CENPC: variants seen among roughly 807,000 people sequenced by gnomAD.
The protein encoded by CENPC is centromere protein C.
CENPC carries 63 observed loss-of-function variants against 112.1 expected under a neutral mutation model. That is an observed-to-expected ratio of 0.56 (90% confidence interval 0.46 to 0.69). The LOEUF (loss-of-function observed/expected upper bound fraction) is 0.69. Ranked by LOEUF, CENPC falls within the 30% of genes least tolerant of loss-of-function variation. The probability of loss-of-function intolerance (pLI) is 0.00; values close to 1 mark genes in which losing one functional copy is unlikely to be tolerated. For missense variants in CENPC, 1,000 were observed against 1,103.8 expected (o/e 0.91, Z 1.33); for synonymous variants, 333 against 367.6 (o/e 0.91, Z 1.08).
At chr4:67,474,071 A>AT (rs34738158) in intron 18 of CENPC, among the ~76,000 whole-genome samples, 1 of 149,308 alleles carries the variant, frequency 6.7e-6, no homozygotes, top group African/African-American at 2.5e-5. Context: ...ACATAAATGT[A>AT]TTTTTTTTTT....
chr4:67,518,478 C>A, intron 6 of CENPC, 110 bp from the exon 7 acceptor site: 1 of 1,134,978 alleles, frequency 8.8e-7, no homozygotes, highest in Non-Finnish European at 1.1e-6. Context: ...AAATTCTGTA[C>A]TAGGCATTTA....
intron 14 of CENPC, chr4:67,493,503 C>A: frequency 5.6e-6 from 1 of 179,036 alleles, no homozygotes. Flanking sequence ...AAGAAAATAA[C>A]TCTACGATTA....
chr4:67,513,860 T>C (rs919270026), intron 8 of CENPC, among the ~76,000 whole-genome samples: 7 of 152,114 alleles, frequency 4.6e-5, no homozygotes, highest in Middle Eastern at 3.2e-3. Context: ...TTGCCCTCTA[T>C]ATATACTGCC....
chr4:67,502,489 G>A (rs1349564189), intron 12 of CENPC, among the ~76,000 whole-genome samples: 6 of 152,098 alleles, frequency 3.9e-5, no homozygotes, highest in Middle Eastern at 3.2e-3. Context: ...TTAACACAAC[G>A]AAGCAGATAA....
intron 17 of CENPC, among the ~76,000 whole-genome samples, chr4:67,485,475 C>CA (rs369939725): frequency 2.1e-3 from 318 of 151,444 alleles, no homozygotes; most frequent in African/African-American, 7.3e-3. Context: ...CTTAACCCCC[C>CA]CAATGTGATG....
At chr4:67,541,961 C>T (rs1560446814) in intron 2 of CENPC, among the ~76,000 whole-genome samples, 1 of 152,118 alleles carries the variant, frequency 6.6e-6, no homozygotes, top group African/African-American at 2.4e-5. Context: ...ATCCTCTTGC[C>T]TTGGCTTTTT....
In CENPC at chr4:67,481,432, G is replaced by A. The variant is rs181775535; in HGVS notation, c.2671-6454C>T. Among the ~76,000 whole-genome samples, 30 of 152,040 alleles carry A rather than the reference G, an allele frequency of 2.0e-4. No homozygotes were observed. In the East Asian group the frequency reaches 5.6e-3, roughly 28 times the overall value. On this transcript the variant is annotated intron_variant, in intron 17 of 18. Transcript: ENST00000273853. ...AAAATTCATTATGGAACCAAAAAAG[G>A]GCCTGCATAGCCAAAGGGAAGACTA...
chr4:67,486,316 CA>C (rs1725092846), intron 17 of CENPC, among the ~76,000 whole-genome samples: 1 of 152,100 alleles, frequency 6.6e-6, no homozygotes, highest in Non-Finnish European at 1.5e-5. Context: ...AATTCATCTG[CA>C]AATATTTCAG....
chr4:67,486,824 T>C (rs1476337957), intron 17 of CENPC, among the ~76,000 whole-genome samples: 1 of 152,174 alleles, frequency 6.6e-6, no homozygotes, highest in African/African-American at 2.4e-5. Context: ...ATTAAGCAGT[T>C]TGTCATAAAA....
chr4:67,477,500 G>T (rs1560417410), intron 17 of CENPC, among the ~76,000 whole-genome samples: 1 of 152,176 alleles, frequency 6.6e-6, no homozygotes, highest in Non-Finnish European at 1.5e-5. Context: ...CCTAGGGGAA[G>T]GAGGAGAGCA....
intron 8 of CENPC, 80 bp from the exon 9 acceptor site, chr4:67,512,649 G>A (rs1391170939): frequency 8.0e-5 from 77 of 957,984 alleles, no homozygotes; most frequent in Non-Finnish European, 9.5e-5. Context: ...TAAAAAAACC[G>A]TCAATTACAG....
chr4:67,474,780 G>C (rs754228457), intron 18 of CENPC, 108 bp downstream of exon 18: 128 of 692,630 alleles, frequency 1.8e-4, no homozygotes, highest in South Asian at 9.3e-4. Context: ...AAACTGTTCT[G>C]ACATCCATCA....
chr4:67,538,498 G>A (rs749643957), intron 4 of CENPC, among the ~76,000 whole-genome samples: 10 of 152,180 alleles, frequency 6.6e-5, no homozygotes, highest in Non-Finnish European at 1.2e-4. Context: ...AAACAAATGA[G>A]GTGAACCCTC....
At chr4:67,534,280 G>A (rs1377648555) in intron 4 of CENPC, among the ~76,000 whole-genome samples, 1 of 151,978 alleles carries the variant, frequency 6.6e-6, no homozygotes, top group Non-Finnish European at 1.5e-5. Flanking sequence ...ACCAGGAATG[G>A]TGGCAGGCAC....
In CENPC at chr4:67,508,930, A is replaced by G; in HGVS notation, c.1788T>C (p.Asn596=). The change falls in exon 10 of 19, where the codon AAT becomes AAC. Residue 596 remains asparagine (N), a synonymous_variant. Transcript: ENST00000273853. ...CAACGATACCTCCAGAACCTTCAGC[A>G]TTTAAAAACTTCTGTACTCTTTGGT... ...KGNQRVQKFL[N]AEGSGGIVGH... is the part of the protein sequence containing the mutation. The G allele has an allele frequency of 6.2e-7, 1 of 1,613,674 alleles. No homozygotes were observed. The highest frequency in any genetic ancestry group is 8.5e-7 in the Non-Finnish European group (1 of 1,179,744).
intron 17 of CENPC, among the ~76,000 whole-genome samples, chr4:67,482,368 T>C (rs1277406207): frequency 6.6e-6 from 1 of 152,206 alleles, no homozygotes; most frequent in Non-Finnish European, 1.5e-5. Flanking sequence ...AAAGTAGATC[T>C]ACCATTTGAT....
intron 4 of CENPC, 47 bp from the exon 5 acceptor site, chr4:67,530,961 C>A: frequency 4.4e-6 from 4 of 917,290 alleles, no homozygotes; most frequent in South Asian, 3.5e-5. Flanking sequence ...ATTAACTTAC[C>A]AATTCAATGA....
rs570620275 is a variant in CENPC at position 67,473,066 on chromosome 4, A to C, written c.2762-391T>G. 8.5e-5 allele frequency among the ~76,000 whole-genome samples: 13 copies of C among 152,218 alleles called. 1 individual carries two copies. In the South Asian group the frequency reaches 2.7e-3, roughly 32 times the overall value. Reference sequence around the variant, plus strand: ...AATGTTAAGTAGAATAAAATCTCAAAATTTTATTTATTTACTTATTTTTTG... The same window carrying C: ...AATGTTAAGTAGAATAAAATCTCAACATTTTATTTATTTACTTATTTTTTG... On this transcript the variant is annotated intron_variant, in intron 18 of 18. Coordinates refer to ENST00000273853, the MANE Select transcript of CENPC (RefSeq NM_001812.4).
chr4:67,513,745 C>T (rs955150332), intron 8 of CENPC, among the ~76,000 whole-genome samples: 4 of 151,988 alleles, frequency 2.6e-5, no homozygotes, highest in Non-Finnish European at 5.9e-5. Context: ...AATAGTCCCA[C>T]GGTACCCTGG....
Sources: gnomAD v4.1 joint callset for allele counts (sites outside exome capture counted in the v4.1 genomes callset) on GRCh38, gnomAD v4.1.1 for gene constraint, MANE v1.5 for transcripts, NCBI Gene and HGNC (gene_info 2026-07-23, HGNC 2026-07-21) for gene names.